CYRIB: variants seen among roughly 807,000 people sequenced by gnomAD.
CYRIB encodes CYFIP related Rac1 interactor B.
A neutral mutation model predicts 44.2 loss-of-function variants in CYRIB; 8 were observed. The ratio of observed to expected loss-of-function variants is 0.18; its 90% CI spans 0.11 to 0.33. The LOEUF (loss-of-function observed/expected upper bound fraction) is 0.33, where lower values mean the gene tolerates loss of function less well. CYRIB is among the 10% of genes least tolerant of loss of function. The probability of loss-of-function intolerance (pLI) is 1.00; values close to 1 mark genes in which losing one functional copy is unlikely to be tolerated. For missense variants in CYRIB, 185 were observed against 382.8 expected (o/e 0.48, Z 4.31); for synonymous variants, 131 against 127.2 (o/e 1.03, Z -0.20).
intron 1 of CYRIB, among the ~76,000 whole-genome samples, chr8:129,972,439 T>C (rs2095738238): frequency 6.6e-6 from 1 of 152,018 alleles, no homozygotes; most frequent in African/African-American, 2.4e-5. Context: ...TAGCTGAGCG[T>C]GGTGGCACAT....
chr8:129,994,610 C>T (rs867201356), intron 1 of CYRIB, among the ~76,000 whole-genome samples: 5 of 152,318 alleles, frequency 3.3e-5, no homozygotes, highest in Middle Eastern at 3.4e-3. Flanking sequence ...CCAAGCTCCC[C>T]GTTTCACCAT....
intron 1 of CYRIB, among the ~76,000 whole-genome samples, chr8:129,983,740 A>C (rs940623884): frequency 5.9e-5 from 9 of 152,170 alleles, no homozygotes; most frequent in Non-Finnish European, 1.2e-4. Context: ...GGATGCGGGG[A>C]CACCGGGGAC....
intron 1 of CYRIB, among the ~76,000 whole-genome samples, chr8:129,919,898 C>A (rs2082650358): frequency 1.3e-5 from 2 of 151,982 alleles, no homozygotes; most frequent in African/African-American, 4.8e-5. Flanking sequence ...CAGAAGAACA[C>A]CGGGTAAGAT....
rs557745340 is a variant in CYRIB, at chr8:129,892,172, TACAG to T, written c.-11+11136_-11+11139del. 4.9e-4 allele frequency among the ~76,000 whole-genome samples: 75 copies of T among 152,194 alleles called. No homozygotes were observed. The South Asian group carries it at 0.01, about 21-fold the overall frequency. The stretch of plus-strand genomic sequence containing the variant: ...TCCTGCTACAATGGTTTGCATCAAG[TACAG>T]ACAAAGAGTATGAGAAGGGCTAGTA... On this transcript the variant is annotated intron_variant, in intron 2 of 11. Coordinates refer to ENST00000519824, the Ensembl canonical transcript of CYRIB.
intron 1 of CYRIB, among the ~76,000 whole-genome samples, chr8:129,910,113 C>T (rs2077212414): frequency 1.3e-5 from 2 of 152,154 alleles, no homozygotes; most frequent in Non-Finnish European, 2.9e-5. Flanking sequence ...GCCATAGGTG[C>T]TAGTATGGGT....
intron 8 of CYRIB, chr8:129,851,916 G>A (rs925654304): frequency 1.9e-5 from 7 of 360,760 alleles, no homozygotes; most frequent in East Asian, 1.6e-4. Flanking sequence ...GTTAGAAAAC[G>A]CAACCCAGAG....
At chr8:129,975,171 G>A (rs927309362) in intron 1 of CYRIB, among the ~76,000 whole-genome samples, 4 of 152,042 alleles carry the variant, frequency 2.6e-5, no homozygotes, top group African/African-American at 2.4e-5. Flanking sequence ...GAGCCACTGC[G>A]CCTGACCTAA....
At chr8:129,919,116 G>A (rs1265001756) in intron 1 of CYRIB, among the ~76,000 whole-genome samples, 2 of 152,006 alleles carry the variant, frequency 1.3e-5, no homozygotes, top group East Asian at 1.9e-4. Flanking sequence ...GATTGGCCTC[G>A]GCCTTCCAAA....
intron 2 of CYRIB, among the ~76,000 whole-genome samples, chr8:129,897,649 GGA>G (rs1364617121): frequency 1.3e-5 from 2 of 150,874 alleles, no homozygotes; most frequent in Non-Finnish European, 2.9e-5. Flanking sequence ...TTCTAGGTAG[GGA>G]GAGGCATGGT....
intron 7 of CYRIB, among the ~76,000 whole-genome samples, chr8:129,852,680 A>G (rs539790074): frequency 7.2e-5 from 11 of 152,348 alleles, no homozygotes; most frequent in Admixed American, 1.3e-4. Flanking sequence ...AGAAGAAACT[A>G]AGGAGAAGAG....
chr8:129,866,278 T>C (rs1367002679), intron 4 of CYRIB, among the ~76,000 whole-genome samples: 1 of 152,234 alleles, frequency 6.6e-6, no homozygotes, highest in East Asian at 1.9e-4. Context: ...GAGGCTACTG[T>C]CTACCAGGGT....
chr8:129,876,719 A>C (rs762908274), intron 3 of CYRIB, among the ~76,000 whole-genome samples: 22 of 151,976 alleles, frequency 1.4e-4, no homozygotes, highest in Middle Eastern at 6.8e-3. Context: ...TAGTCACCCA[A>C]CTGCAGAGAC....
intron 8 of CYRIB, 115 bp downstream of exon 10, chr8:129,852,047 C>T (rs2043548362): frequency 5.4e-6 from 3 of 557,780 alleles, no homozygotes; most frequent in Admixed American, 6.8e-5. Context: ...TCAACACATA[C>T]ATCTGGGAGT....
At chr8:129,903,829 CATAACCTATT>C (rs2073711544) in intron 1 of CYRIB, among the ~76,000 whole-genome samples, 1 of 152,092 alleles carries the variant, frequency 6.6e-6, no homozygotes, top group Non-Finnish European at 1.5e-5. Context: ...ATTCCGTGAC[CATAACCTATT>C]ATTTGCCAGG....
chr8:129,959,682 C>T (rs777790504), intron 2 of CYRIB, among the ~76,000 whole-genome samples: 11 of 152,140 alleles, frequency 7.2e-5, no homozygotes, highest in South Asian at 2.1e-4. Flanking sequence ...CATCTTTGTA[C>T]GCCAATCCTA....
chr8:129,997,852 G>T (rs1453041648), intron 1 of CYRIB, among the ~76,000 whole-genome samples: 1 of 152,176 alleles, frequency 6.6e-6, no homozygotes, highest in Non-Finnish European at 1.5e-5. Context: ...GCCAGGCGCA[G>T]TGGCTCACGC....
chr8:129,947,592 G>A (rs1278944595), intron 2 of CYRIB, among the ~76,000 whole-genome samples: 1 of 152,080 alleles, frequency 6.6e-6, no homozygotes, highest in African/African-American at 2.4e-5. Context: ...AAGGTGCCCC[G>A]ATGCACTATT....
At position 129,981,297 on chromosome 8, in the gene CYRIB, G is replaced by A. The variant is rs143994254; in HGVS notation, c.-295-10302C>T. On this transcript the variant is annotated intron_variant, in intron 1 of 14. Coordinates refer to the CYRIB transcript ENST00000401979. Reference sequence around the variant, plus strand: ...TGGAACTACAGGCACATGCCACCACGCCTTGCTAATTTTTGTTTGTTGGTT... The same window carrying A: ...TGGAACTACAGGCACATGCCACCACACCTTGCTAATTTTTGTTTGTTGGTT... 6.1e-3 allele frequency among the ~76,000 whole-genome samples: 928 copies of A among 152,214 alleles called. 7 individuals carry two copies. The highest frequency in any genetic ancestry group is 0.021 in the African/African-American group (871 of 41,540).
At chr8:129,981,132 G>A (rs1469235499) in intron 1 of CYRIB, among the ~76,000 whole-genome samples, 3 of 152,060 alleles carry the variant, frequency 2.0e-5, no homozygotes, top group Non-Finnish European at 4.4e-5. Context: ...GACAGAGTTA[G>A]CCCCCCATTC....
Sources: allele counts gnomAD v4.1 joint callset (sites outside exome capture counted in the v4.1 genomes callset), GRCh38; gene constraint gnomAD v4.1.1; transcripts MANE v1.5; gene names NCBI Gene and HGNC (gene_info 2026-07-23, HGNC 2026-07-21).